DIP2C: variants seen among roughly 807,000 people sequenced by gnomAD.
DIP2C encodes DIP2 acetate--CoA ligase C (putative).
DIP2C carries 33 observed loss-of-function variants against 192.4 expected under a neutral mutation model. The ratio of observed to expected loss-of-function variants is 0.17; its 90% CI spans 0.13 to 0.23. DIP2C has a LOEUF of 0.23. Ranked by LOEUF, DIP2C falls within the 10% of genes least tolerant of loss-of-function variation. DIP2C has a pLI of 1.00. For missense variants in DIP2C, 1,537 were observed against 2,110.1 expected (o/e 0.73, Z 5.32); for synonymous variants, 979 against 864.1 (o/e 1.13, Z -2.33).
intron 1 of DIP2C, among the ~76,000 whole-genome samples, chr10:596,496 CAAAAAAAAAAAAAAAA>C (rs56298679): frequency 0.044 from 2,344 of 53,010 alleles, 72 homozygotes; most frequent in East Asian, 0.15. Flanking sequence ...AACTCCATCT[CAAAAAAAAAAAAAAAA>C]AAAAAAAAAA....
intron 36 of DIP2C, 100 bp from the exon 37 acceptor site, chr10:277,677 G>A (rs1589367091): frequency 6.7e-7 from 1 of 1,491,114 alleles, no homozygotes; most frequent in Non-Finnish European, 9.0e-7. Context: ...ACCTGCCTGA[G>A]CACTGCCCGA....
In DIP2C at chr10:621,239, C is replaced by T. The variant is rs568401963; in HGVS notation, c.85+68255G>A. Among the ~76,000 whole-genome samples the T allele has an allele frequency of 1.8e-3, 280 of 152,248 alleles. 1 individual carries two copies. The highest frequency in any genetic ancestry group is 6.8e-3 in the Middle Eastern group (2 of 294). On this transcript the variant is annotated intron_variant, in intron 1 of 36. Transcript: ENST00000280886. ...GGTGTGCACACACCTTCTGTACATG[C>T]TCATCTGTGCCAATATGAGCACACA...
chr10:337,747 T>A (rs1480416455), intron 29 of DIP2C, among the ~76,000 whole-genome samples: 1 of 74,842 alleles, frequency 1.3e-5, no homozygotes. Context: ...TGTGGAGGAC[T>A]AGGCTGATGT....
Position 643,878 on chromosome 10 carries a change from T to C in DIP2C, c.85+45616A>G, listed in dbSNP as rs183802427. On this transcript the variant is annotated intron_variant, in intron 1 of 36. Transcript: ENST00000280886. ...GTGAAGTTACAGAATTGGGAAGAAC[T>C]TCACAGACGTATGAGGGTGTATTTA... Among the ~76,000 whole-genome samples the C allele has an allele frequency of 1.6e-4, 25 of 152,356 alleles. No individual in the cohort carries two copies. In the East Asian group the frequency reaches 4.6e-3, roughly 28 times the overall value.
At chr10:378,500 T>C (rs564903405) in intron 17 of DIP2C, among the ~76,000 whole-genome samples, 3 of 151,610 alleles carry the variant, frequency 2.0e-5, no homozygotes, top group East Asian at 4.0e-4. Context: ...AACACAGACA[T>C]GCATAAAGAC....
At chr10:455,255 C>G (rs1241109681) in intron 3 of DIP2C, among the ~76,000 whole-genome samples, 1 of 152,160 alleles carries the variant, frequency 6.6e-6, no homozygotes, top group Admixed American at 6.5e-5. Context: ...CAGTGAGTCC[C>G]TGCCTGAGGA....
At chr10:530,420 AAAAT>A (rs1184038185) in intron 1 of DIP2C, among the ~76,000 whole-genome samples, 1 of 152,134 alleles carries the variant, frequency 6.6e-6, no homozygotes, top group African/African-American at 2.4e-5. Context: ...AAGAAAGGGA[AAAAT>A]AAAAGGGGGG....
chr10:407,628 G>A (rs773687362), intron 9 of DIP2C, among the ~76,000 whole-genome samples: 2 of 152,100 alleles, frequency 1.3e-5, no homozygotes, highest in Non-Finnish European at 2.9e-5. Context: ...CGTGCTTCTC[G>A]GTGTAAAGCA....
rs181486156 is a variant in DIP2C at position 320,880 on chromosome 10, A to G, written c.3924+6126T>C. 2.5e-4 allele frequency among the ~76,000 whole-genome samples: 38 copies of G among 152,368 alleles called. No individual in the cohort carries two copies. The East Asian group carries it at 5.6e-3, about 22-fold the overall frequency. Reference sequence around the variant, plus strand: ...GGAAAGTGTGAAGGAGGAGGAACAAAGTACACTGGCAATTCAGAGGAAAGA... The same window carrying G: ...GGAAAGTGTGAAGGAGGAGGAACAAGGTACACTGGCAATTCAGAGGAAAGA... On this transcript the variant is annotated intron_variant, in intron 31 of 36. Transcript: ENST00000280886.
At chr10:370,383 C>G (rs2132790066) in intron 17 of DIP2C, among the ~76,000 whole-genome samples, 1 of 152,334 alleles carries the variant, frequency 6.6e-6, no homozygotes. Flanking sequence ...CTCGCTGCTA[C>G]CCAGGACGTT....
At chr10:558,150 C>G (rs897397672) in intron 1 of DIP2C, among the ~76,000 whole-genome samples, 1 of 152,174 alleles carries the variant, frequency 6.6e-6, no homozygotes, top group Non-Finnish European at 1.5e-5. Context: ...TTACCAGCCA[C>G]GCTGTTCCCC....
intron 4 of DIP2C, among the ~76,000 whole-genome samples, chr10:426,306 ACT>A (rs553674652): frequency 1.9e-3 from 282 of 152,374 alleles, no homozygotes; most frequent in African/African-American, 6.0e-3. Flanking sequence ...AAATGTGTAC[ACT>A]GACAACTATA....
At position 426,991 on chromosome 10, in the gene DIP2C, G is replaced by A. The variant is rs537041956; in HGVS notation, c.395-3958C>T. ...AAAATCCATAAAAATTAGTAAACTG[G>A]ACTTCATTAAAATAGAAAACTACTA... On this transcript the variant is annotated intron_variant, in intron 4 of 36. Transcript: ENST00000280886. 2.0e-5 allele frequency among the ~76,000 whole-genome samples: 3 copies of A among 152,226 alleles called. No homozygotes were observed. In the South Asian group the frequency reaches 6.2e-4, roughly 32 times the overall value.
At position 442,920 on chromosome 10, in the gene DIP2C, G is replaced by A. The variant is rs146589881; in HGVS notation, c.269-1924C>T. 8.5e-5 allele frequency among the ~76,000 whole-genome samples: 13 copies of A among 152,254 alleles called. No individual in the cohort carries two copies. In the East Asian group the frequency reaches 2.1e-3, roughly 25 times the overall value. ...TTGTCAAGTGATTTTTACCCTTCGTGAATCCAAGTTTCTCAGCTTTTTTGT... is the reference window on the plus strand; with the variant it reads ...TTGTCAAGTGATTTTTACCCTTCGTAAATCCAAGTTTCTCAGCTTTTTTGT... On this transcript the variant is annotated intron_variant, in intron 3 of 36. Transcript: ENST00000280886.
At chr10:524,096 A>T (rs1037706891) in intron 1 of DIP2C, among the ~76,000 whole-genome samples, 1 of 5,508 alleles carries the variant, frequency 1.8e-4, no homozygotes, top group Non-Finnish European at 6.3e-4. Context: ...TGACTGGAGC[A>T]CCCCTTCAGG....
At chr10:303,533 C>A (rs914674278) in intron 32 of DIP2C, among the ~76,000 whole-genome samples, 27 of 139,092 alleles carry the variant, frequency 1.9e-4, no homozygotes, top group African/African-American at 7.2e-4. Flanking sequence ...TTTTTTTTTT[C>A]TTTTTTTGAG....
intron 28 of DIP2C, among the ~76,000 whole-genome samples, chr10:344,271 A>C (rs1010209888): frequency 6.6e-6 from 1 of 152,032 alleles, no homozygotes; most frequent in African/African-American, 2.4e-5. Context: ...ATTCCACCTC[A>C]GTTCTACTAA....
At chr10:387,075 A>C (rs141027209) in intron 14 of DIP2C, among the ~76,000 whole-genome samples, 7 of 152,290 alleles carry the variant, frequency 4.6e-5, no homozygotes, top group South Asian at 2.1e-4. Context: ...AGCAGGCCCC[A>C]CCGACTCAAC....
rs1424534043 is a variant in DIP2C, at chr10:454,312, TTGG to T, written c.269-13319_269-13317del. ...ACTTACATTTATAGTGTTAGATAAA[TTGG>T]TTAACTAAAATACATTTAACAGCGT... On this transcript the variant is annotated intron_variant, in intron 3 of 36. Coordinates refer to ENST00000280886, the MANE Select transcript of DIP2C (RefSeq NM_014974.3). Among the ~76,000 whole-genome samples the T allele has an allele frequency of 6.2e-5, 7 of 113,358 alleles. No individual in the cohort carries two copies. In the African/African-American group the frequency reaches 6.3e-4, roughly 10 times the overall value. 74.4% of individuals were successfully genotyped at this position (113,358 alleles called of 152,430 possible).
Sources: allele counts gnomAD v4.1 joint callset (sites outside exome capture counted in the v4.1 genomes callset), GRCh38; gene constraint gnomAD v4.1.1; transcripts MANE v1.5; gene names NCBI Gene and HGNC (gene_info 2026-07-23, HGNC 2026-07-21).